OR51B5: variants seen among roughly 807,000 people sequenced by gnomAD.
OR51B5 encodes olfactory receptor family 51 subfamily B member 5.
For synonymous variants in OR51B5, 186 were observed against 144.8 expected (o/e 1.28, Z -2.04); for missense variants, 456 against 374.6 (o/e 1.22, Z -1.79).
chr11:5,392,625 A>ATATC (rs1279954558), intron 1 of OR51B5: 1 of 152,258 alleles, frequency 6.6e-6, no homozygotes, highest in Non-Finnish European at 1.5e-5. Flanking sequence ...TTAACAATCA[A>ATATC]TATCTGGCTG....
chr11:5,373,883 G>T (rs888096447), intron 1 of OR51B5, among the ~76,000 whole-genome samples: 2 of 152,100 alleles, frequency 1.3e-5, no homozygotes, highest in Admixed American at 6.5e-5. Context: ...GCCTCTGTAG[G>T]CTCCACCTTT....
At chr11:5,357,582 C>T (rs137959083) in intron 1 of OR51B5, among the ~76,000 whole-genome samples, 18 of 152,006 alleles carry the variant, frequency 1.2e-4, no homozygotes, top group East Asian at 5.8e-4. Context: ...GACAGATCAA[C>T]GAGACAGAAA....
intron 1 of OR51B5, among the ~76,000 whole-genome samples, chr11:5,365,090 G>C (rs944953141): frequency 1.3e-5 from 2 of 152,210 alleles, no homozygotes; most frequent in Non-Finnish European, 2.9e-5. Flanking sequence ...CAATAATCAT[G>C]CTTGTAATAA....
chr11:5,454,389 C>G, intron 1 of OR51B5: 3 of 1,610,454 alleles, frequency 1.9e-6, no homozygotes, highest in Non-Finnish European at 1.7e-6. Context: ...GGAAATCCGC[C>G]GAGCCATTTT....
intron 1 of OR51B5, among the ~76,000 whole-genome samples, chr11:5,492,855 G>C (rs777745691): frequency 6.6e-6 from 1 of 151,990 alleles, no homozygotes; most frequent in Non-Finnish European, 1.5e-5. Context: ...GGCTGATCTC[G>C]AACTCCTGAC....
intron 1 of OR51B5, chr11:5,393,130 G>A (rs577326915): frequency 4.6e-5 from 7 of 152,272 alleles, no homozygotes; most frequent in Admixed American, 4.6e-4. Flanking sequence ...TAGGATGTAA[G>A]CTGTTTGTGG....
chr11:5,346,126 GAA>G (rs1848986869), upstream of OR51B5: 1 of 152,036 alleles, frequency 6.6e-6, no homozygotes, highest in Non-Finnish European at 1.5e-5. Context: ...TCTTATCAGA[GAA>G]TATGCAGCAC....
At chr11:5,424,816 C>G (rs1850418634) in intron 1 of OR51B5, among the ~76,000 whole-genome samples, 1 of 106,218 alleles carries the variant, frequency 9.4e-6, no homozygotes, top group Non-Finnish European at 2.2e-5. Context: ...CCCATCTCTA[C>G]TAAAAAATAG....
intron 1 of OR51B5, among the ~76,000 whole-genome samples, chr11:5,501,193 G>C (rs1425554064): frequency 1.4e-5 from 2 of 147,464 alleles, no homozygotes; most frequent in Non-Finnish European, 3.0e-5. Context: ...GCCTGATACA[G>C]ATTTTGACTC....
At chr11:5,472,142 A>C (rs1851238441) in intron 1 of OR51B5, among the ~76,000 whole-genome samples, 1 of 152,238 alleles carries the variant, frequency 6.6e-6, no homozygotes, top group African/African-American at 2.4e-5. Flanking sequence ...AGAGCTGTAC[A>C]CGCTCAGAAC....
intron 1 of OR51B5, chr11:5,402,860 C>A (rs1849993059): frequency 6.4e-6 from 3 of 471,464 alleles, no homozygotes; most frequent in South Asian, 4.6e-5. Context: ...TAGGCATATT[C>A]CTTTTTGGAA....
chr11:5,504,200 G>T (rs2133821961), intron 1 of OR51B5, among the ~76,000 whole-genome samples: 1 of 151,858 alleles, frequency 6.6e-6, no homozygotes, highest in South Asian at 2.1e-4. Context: ...TTTTTTTAAA[G>T]AAAAAAAAGA....
intron 1 of OR51B5, among the ~76,000 whole-genome samples, chr11:5,470,209 A>G (rs557346550): frequency 2.9e-4 from 44 of 152,206 alleles, no homozygotes; most frequent in African/African-American, 1.1e-3. Flanking sequence ...ATGTGTTTAA[A>G]CTCATAGGCA....
intron 1 of OR51B5, among the ~76,000 whole-genome samples, chr11:5,486,541 C>A (rs1564829992): frequency 6.6e-6 from 1 of 152,164 alleles, no homozygotes; most frequent in African/African-American, 2.4e-5. Context: ...TCTTGACTCA[C>A]TTCTGAGATT....
intron 1 of OR51B5, among the ~76,000 whole-genome samples, chr11:5,361,590 G>A (rs1274791003): frequency 1.3e-5 from 2 of 152,088 alleles, no homozygotes; most frequent in East Asian, 1.9e-4. Flanking sequence ...TTGCAGAGAG[G>A]GAAATGCAGT....
intron 1 of OR51B5, among the ~76,000 whole-genome samples, chr11:5,360,421 C>G (rs1185739916): frequency 6.6e-6 from 1 of 151,236 alleles, no homozygotes; most frequent in Non-Finnish European, 1.5e-5. Context: ...CAGAGAAATA[C>G]AAATCAAAAC....
upstream of OR51B5, among the ~76,000 whole-genome samples, chr11:5,348,174 G>A (rs1849023773): frequency 6.6e-6 from 1 of 152,104 alleles, no homozygotes. Flanking sequence ...CTAAAACTTG[G>A]TTTCTTTGAG....
chr11:5,495,209 C>G (rs551899678), intron 1 of OR51B5, among the ~76,000 whole-genome samples: 31 of 152,212 alleles, frequency 2.0e-4, no homozygotes, highest in African/African-American at 7.5e-4. Flanking sequence ...ACAAGAAATG[C>G]TGAAAACAGT....
intron 1 of OR51B5, among the ~76,000 whole-genome samples, chr11:5,366,176 C>G (rs1849364422): frequency 6.6e-6 from 1 of 151,916 alleles, no homozygotes; most frequent in Admixed American, 6.6e-5. Context: ...TAGAGCAAGC[C>G]TTAAGTAGGA....
Sources: allele counts gnomAD v4.1 joint callset (sites outside exome capture counted in the v4.1 genomes callset), GRCh38; gene constraint gnomAD v4.1.1; transcripts MANE v1.5; gene names NCBI Gene and HGNC (gene_info 2026-07-23, HGNC 2026-07-21).